Variants in GRIK2 observed in about 807,000 individuals in gnomAD.
The protein encoded by GRIK2 is glutamate ionotropic receptor kainate type subunit 2.
A neutral mutation model predicts 100.3 loss-of-function variants in GRIK2; 32 were observed. The ratio of observed to expected loss-of-function variants is 0.32; its 90% confidence interval spans 0.24 to 0.43. The LOEUF is 0.43. Among genes scored for constraint, GRIK2 ranks in the 20% least tolerant of loss-of-function variants. The probability of loss-of-function intolerance (pLI) is 1.00; values close to 1 mark genes in which losing one functional copy is unlikely to be tolerated. For synonymous variants in GRIK2, 417 were observed against 389.4 expected, an observed-to-expected ratio of 1.07 and a Z score of -0.83; for missense variants, 843 against 1,114.9, an observed-to-expected ratio of 0.76 and a Z score of 3.47.
chr6:101,665,954 G>C (rs777620857), intron 4 of GRIK2, among the ~76,000 whole-genome samples: 1 of 152,250 alleles, frequency 6.6e-6, no homozygotes, highest in East Asian at 1.9e-4. Context: ...AATACTGTTT[G>C]TAGTATCTAT....
At chr6:101,725,777 T>A (rs1368337905) in intron 7 of GRIK2, among the ~76,000 whole-genome samples, 1 of 151,984 alleles carries the variant, frequency 6.6e-6, no homozygotes, top group African/African-American at 2.4e-5. Flanking sequence ...TTTGTACTGG[T>A]CACTGACAGT....
chr6:101,701,780 G>C (rs1248339427), intron 7 of GRIK2, among the ~76,000 whole-genome samples: 3 of 151,908 alleles, frequency 2.0e-5, no homozygotes, highest in African/African-American at 7.3e-5. Context: ...CTATTACATA[G>C]ATATTATGTA....
intron 2 of GRIK2, among the ~76,000 whole-genome samples, chr6:101,565,734 G>A (rs564251791): frequency 1.3e-5 from 2 of 151,530 alleles, no homozygotes; most frequent in Admixed American, 1.3e-4. Flanking sequence ...GGGGATAGGG[G>A]TGCTGACCCC....
intron 10 of GRIK2, among the ~76,000 whole-genome samples, chr6:101,827,775 G>C (rs1474665223): frequency 2.0e-5 from 3 of 151,806 alleles, no homozygotes; most frequent in African/African-American, 7.2e-5. Context: ...GAGCTCCCAC[G>C]TTCATAAAAC....
intron 7 of GRIK2, among the ~76,000 whole-genome samples, chr6:101,779,018 T>TTA (rs937317205): frequency 6.6e-6 from 1 of 152,066 alleles, no homozygotes; most frequent in Non-Finnish European, 1.5e-5. Flanking sequence ...GATATTTTAA[T>TTA]TATATATATA....
intron 2 of GRIK2, among the ~76,000 whole-genome samples, chr6:101,544,378 A>G (rs1776138943): frequency 6.6e-6 from 1 of 152,188 alleles, no homozygotes; most frequent in Non-Finnish European, 1.5e-5. Context: ...ACAAAGCTGA[A>G]TGAAACTCCA....
At chr6:101,734,853 T>C (rs1775526051) in intron 7 of GRIK2, among the ~76,000 whole-genome samples, 1 of 152,180 alleles carries the variant, frequency 6.6e-6, no homozygotes, top group Non-Finnish European at 1.5e-5. Context: ...AGAAAGGTGG[T>C]ACTGTAGTTA....
chr6:102,051,259 TC>T (rs764451849), intron 15 of GRIK2, among the ~76,000 whole-genome samples: 3,472 of 98,928 alleles, frequency 0.035, 84 homozygotes, highest in Middle Eastern at 0.052. Context: ...CTCCCTTCCT[TC>T]CTTCCTTCCT....
chr6:101,700,252 T>C (rs1007283649), intron 7 of GRIK2, among the ~76,000 whole-genome samples: 1 of 151,990 alleles, frequency 6.6e-6, no homozygotes, highest in Admixed American at 6.6e-5. Context: ...ATTGTTATTG[T>C]TATTATTTTA....
chr6:101,468,321 T>C lies in GRIK2; in HGVS notation c.115+68929T>C, dbSNP rs78329183. Among the ~76,000 whole-genome samples, 75 of 152,256 alleles carry C rather than the reference T, an allele frequency of 4.9e-4. No homozygotes were observed. The East Asian group carries it at 0.014, about 27-fold the overall frequency. On this transcript the variant is annotated intron_variant, in intron 2 of 16. Coordinates refer to ENST00000369134, the MANE Select transcript of GRIK2 (RefSeq NM_021956.5). ...CAGTTCAGTTTTACTTTTCATTCTTTCACTAATGCTTATCTTCACATGAAA... is the reference window on the plus strand; with the variant it reads ...CAGTTCAGTTTTACTTTTCATTCTTCCACTAATGCTTATCTTCACATGAAA...
intron 2 of GRIK2, among the ~76,000 whole-genome samples, chr6:101,547,574 G>A (rs975129818): frequency 2.0e-5 from 3 of 152,056 alleles, no homozygotes; most frequent in Non-Finnish European, 4.4e-5. Flanking sequence ...GCGGTGTTTG[G>A]ATTTTTGTCC....
chr6:101,572,678 A>G (rs1194331353), intron 2 of GRIK2, among the ~76,000 whole-genome samples: 8 of 149,372 alleles, frequency 5.4e-5, no homozygotes, highest in Admixed American at 5.3e-4. Context: ...ACGTACCCTG[A>G]GTTATTGTGT....
In GRIK2 at chr6:101,470,228, C is replaced by T. The variant is rs147247959; in HGVS notation, c.115+70836C>T. Among the ~76,000 whole-genome samples, 92 of 152,290 alleles carry T rather than the reference C, an allele frequency of 6.0e-4. 1 individual carries two copies. In the East Asian group the frequency reaches 0.013, roughly 22 times the overall value. The stretch of plus-strand genomic sequence containing the variant: ...CAGTACTCTGGACTACCCACGTTAG[C>T]AGCTCCACAACCCCTAGTTTCTGGG... On this transcript the variant is annotated intron_variant, in intron 2 of 16. Transcript: ENST00000369134.
At chr6:101,630,815 T>A (rs4112793) in intron 4 of GRIK2, among the ~76,000 whole-genome samples, 3 of 152,006 alleles carry the variant, frequency 2.0e-5, no homozygotes, top group African/African-American at 7.3e-5. Flanking sequence ...GATGGACTTA[T>A]GTATCTGCTT....
At chr6:101,661,593 G>A (rs922015797) in intron 4 of GRIK2, among the ~76,000 whole-genome samples, 2 of 152,190 alleles carry the variant, frequency 1.3e-5, no homozygotes, top group Non-Finnish European at 2.9e-5. Flanking sequence ...GAAACCCAGG[G>A]CCCTGGTGGT....
intron 4 of GRIK2, among the ~76,000 whole-genome samples, chr6:101,676,227 GGGGTATAAA>G (rs1280851490): frequency 6.6e-6 from 1 of 152,090 alleles, no homozygotes; most frequent in African/African-American, 2.4e-5. Context: ...GAGTAGAACT[GGGGTATAAA>G]GGGAAACTAT....
chr6:101,691,769 C>A (rs917556151), intron 7 of GRIK2, among the ~76,000 whole-genome samples: 1 of 152,060 alleles, frequency 6.6e-6, no homozygotes, highest in African/African-American at 2.4e-5. Context: ...AGACCCCAGA[C>A]TTTATAATTT....
chr6:101,616,405 A>G (rs1305858745), intron 2 of GRIK2, among the ~76,000 whole-genome samples: 2 of 151,856 alleles, frequency 1.3e-5, no homozygotes, highest in Admixed American at 1.3e-4. Context: ...TCTAAAATGA[A>G]CCAAGGTTAA....
intron 15 of GRIK2, among the ~76,000 whole-genome samples, chr6:102,037,953 G>T (rs1562129681): frequency 6.6e-6 from 1 of 151,488 alleles, no homozygotes; most frequent in Admixed American, 6.6e-5. Flanking sequence ...ACTCTTAAAA[G>T]AAGAGGCTGA....
Sources: allele counts gnomAD v4.1 joint callset (sites outside exome capture counted in the v4.1 genomes callset), GRCh38; gene constraint gnomAD v4.1.1; transcripts MANE v1.5; gene names NCBI Gene and HGNC (gene_info 2026-07-23, HGNC 2026-07-21).